The following CRIM1 variants were observed in gnomAD, a reference collection of about 807,000 sequenced individuals.
CRIM1 encodes cysteine-rich motor neuron 1 protein.
CRIM1 carries 32 observed loss-of-function variants against 116.4 expected under a neutral mutation model. That is an observed-to-expected ratio of 0.27 (90% CI 0.21 to 0.37). CRIM1 has a LOEUF of 0.37. CRIM1 is among the 10% of genes least tolerant of loss of function. The pLI is 1.00. For synonymous variants in CRIM1, 590 were observed against 509.2 expected (o/e 1.16, Z -2.13); for missense variants, 1,331 against 1,354.8 (o/e 0.98, Z 0.28).
chr2:36,544,726 CAG>C (rs1248424160), intron 15 of CRIM1, among the ~76,000 whole-genome samples: 3 of 152,160 alleles, frequency 2.0e-5, no homozygotes, highest in African/African-American at 7.2e-5. Flanking sequence ...CCTCTGTGCT[CAG>C]AGACTTTGTG....
chr2:36,409,182 A>G (rs1284375831), intron 2 of CRIM1, among the ~76,000 whole-genome samples: 1 of 152,232 alleles, frequency 6.6e-6, no homozygotes, highest in Admixed American at 6.5e-5. Context: ...CTAACCTTAC[A>G]TGAAAATTGT....
Position 36,356,775 on chromosome 2 carries a change from G to C in CRIM1, c.331+152G>C. The C allele has an allele frequency of 1.4e-6, 1 of 733,936 alleles. No individual in the cohort carries two copies. Among genetic ancestry groups the C allele is most frequent in the Non-Finnish European group, 2.2e-6 (1 of 459,148 alleles). 45.5% of individuals were successfully genotyped at this position (733,936 alleles called of 1,614,324 possible). A position where few individuals can be genotyped will look rare whatever the true frequency, so the allele number is the denominator to read the frequency against. Reference sequence around the variant, plus strand: ...GCCGCCCCCAGGAGAGTGCCCCCGCGGCCCTGCGTTCCCTCTCCTTGTTCC... The same window carrying C: ...GCCGCCCCCAGGAGAGTGCCCCCGCCGCCCTGCGTTCCCTCTCCTTGTTCC... On this transcript the variant is annotated intron_variant, in intron 1 of 16. Coordinates refer to ENST00000280527, the MANE Select transcript of CRIM1 (RefSeq NM_016441.3). This position sits in a 1 kb window ranked among gnomAD's most constrained non-coding sequence, Gnocchi z 4.3.
chr2:36,440,592 A>G (rs1294130929), intron 2 of CRIM1, among the ~76,000 whole-genome samples: 4 of 152,230 alleles, frequency 2.6e-5, no homozygotes, highest in East Asian at 1.9e-4. Flanking sequence ...AGATACAGCA[A>G]TGGGTCGGCA....
rs1397568084 is a variant in CRIM1, at chr2:36,550,186, CAG to C, written c.*1489_*1490del. On this transcript the variant is annotated 3_prime_UTR_variant, in exon 17 of 17. Transcript: ENST00000280527. ...GTTGGTTTTCAATTTGCTCACTGGC[CAG>C]AGACATTGATGGCAGTTCTTATCTG... The C allele has an allele frequency of 1.3e-5, 2 of 151,210 alleles. No individual in the cohort carries two copies. The highest frequency in any genetic ancestry group is 4.9e-5 in the African/African-American group (2 of 40,984). 9.4% of individuals were successfully genotyped at this position (151,210 alleles called of 1,614,324 possible).
chr2:36,475,542 C>T (rs1012057973), intron 5 of CRIM1, among the ~76,000 whole-genome samples: 12 of 152,298 alleles, frequency 7.9e-5, no homozygotes, highest in African/African-American at 2.9e-4. Flanking sequence ...AGTTTTACTT[C>T]TTCCTTTCCA....
At chr2:36,499,069 A>C in intron 7 of CRIM1, 150 bp from the exon 8 acceptor site, 1 of 633,564 alleles carries the variant, frequency 1.6e-6, no homozygotes, top group Non-Finnish European at 2.8e-6. Context: ...TCAGGGGTTA[A>C]AGATATTACT....
intron 1 of CRIM1, among the ~76,000 whole-genome samples, chr2:36,394,799 A>C (rs900091841): frequency 6.6e-6 from 1 of 152,108 alleles, no homozygotes; most frequent in African/African-American, 2.4e-5. Context: ...GATCTCCTGA[A>C]ATCTAAAACA....
Position 36,356,643 on chromosome 2 carries a change from G to A in CRIM1, c.331+20G>A, listed in dbSNP as rs760629421. On this transcript the variant is annotated intron_variant, in intron 1 of 16. Transcript: ENST00000280527. This position sits in a 1 kb window ranked among gnomAD's most constrained non-coding sequence, Gnocchi z 4.3. Reference sequence around the variant, plus strand: ...GCGAAGGTACGGCCGCCCGCTGCGGGCCCCCTCCCACCTGGCCTGCGCCGC... The same window carrying A: ...GCGAAGGTACGGCCGCCCGCTGCGGACCCCCTCCCACCTGGCCTGCGCCGC... 8 of 1,595,668 alleles carry A rather than the reference G, an allele frequency of 5.0e-6. No individual in the cohort carries two copies. Among genetic ancestry groups the A allele is most frequent in the Non-Finnish European group, 8.5e-7 (1 of 1,173,090 alleles).
At chr2:36,530,346 A>T (rs544819327) in intron 13 of CRIM1, among the ~76,000 whole-genome samples, 16 of 152,306 alleles carry the variant, frequency 1.1e-4, no homozygotes, top group African/African-American at 3.8e-4. Flanking sequence ...AGATCCCTGC[A>T]TCATTACAAT....
chr2:36,477,157 C>A, intron 6 of CRIM1, 86 bp downstream of exon 6: 1 of 1,107,100 alleles, frequency 9.0e-7, no homozygotes, highest in Non-Finnish European at 1.3e-6. Context: ...CAGTCTCATC[C>A]AAAAGTAAAG....
At chr2:36,441,577 CCT>C in intron 3 of CRIM1, 77 bp downstream of exon 3, 1 of 1,543,760 alleles carries the variant, frequency 6.5e-7, no homozygotes, top group Non-Finnish European at 8.8e-7. Flanking sequence ...CCACCCCTGG[CCT>C]CTCCTTTCAC....
At chr2:36,542,492 C>T (rs1196423823) in intron 14 of CRIM1, among the ~76,000 whole-genome samples, 6 of 152,232 alleles carry the variant, frequency 3.9e-5, no homozygotes, top group African/African-American at 1.4e-4. Context: ...AGTTACGTCT[C>T]TCCCTCTCAC....
chr2:36,478,869 T>C (rs755173755), intron 6 of CRIM1, among the ~76,000 whole-genome samples: 10 of 152,054 alleles, frequency 6.6e-5, no homozygotes, highest in Non-Finnish European at 1.3e-4. Context: ...TTTGGCTACT[T>C]CTGTCTCCCA....
intron 4 of CRIM1, among the ~76,000 whole-genome samples, chr2:36,459,553 T>A (rs1677419031): frequency 6.6e-6 from 1 of 152,190 alleles, no homozygotes; most frequent in Non-Finnish European, 1.5e-5. Flanking sequence ...TGATTTAGTA[T>A]GATGGGCCGA....
chr2:36,503,680 G>A (rs1278590994), intron 8 of CRIM1, among the ~76,000 whole-genome samples: 1 of 152,020 alleles, frequency 6.6e-6, no homozygotes, highest in Non-Finnish European at 1.5e-5. Flanking sequence ...TTAGAGAAGG[G>A]AGTTTCTTAT....
chr2:36,509,148 A>T (rs1226885454), intron 8 of CRIM1, among the ~76,000 whole-genome samples: 1 of 152,220 alleles, frequency 6.6e-6, no homozygotes, highest in Non-Finnish European at 1.5e-5. Flanking sequence ...GAAATCCCTT[A>T]TGCTGCATAC....
intron 4 of CRIM1, among the ~76,000 whole-genome samples, chr2:36,446,185 C>G (rs902857978): frequency 1.3e-5 from 2 of 152,162 alleles, no homozygotes; most frequent in African/African-American, 4.8e-5. Flanking sequence ...CTTTTCTCCC[C>G]TATCTTGAAG....
chr2:36,526,586 C>T (rs1288693891), intron 13 of CRIM1, among the ~76,000 whole-genome samples: 1 of 152,130 alleles, frequency 6.6e-6, no homozygotes, highest in African/African-American at 2.4e-5. Flanking sequence ...CCACACCACT[C>T]ATATGCCTGT....
intron 2 of CRIM1, among the ~76,000 whole-genome samples, chr2:36,435,960 A>G (rs1285669215): frequency 6.6e-6 from 1 of 150,920 alleles, no homozygotes; most frequent in African/African-American, 2.4e-5. Flanking sequence ...CACTGTTATC[A>G]GTGTAATCAG....
Sources: allele counts gnomAD v4.1 joint callset (sites outside exome capture counted in the v4.1 genomes callset), GRCh38; gene constraint gnomAD v4.1.1; non-coding constraint Gnocchi (gnomAD v3.1); transcripts MANE v1.5; gene names NCBI Gene and HGNC (gene_info 2026-07-23, HGNC 2026-07-21).